The following PPM1L variants were observed in gnomAD, a reference collection of about 807,000 sequenced individuals.
PPM1L encodes the protein protein phosphatase, Mg2+/Mn2+ dependent 1L.
In PPM1L, 13 loss-of-function variants were observed where a neutral mutation model predicts 31.4. The observed-to-expected ratio is 0.41, with a 90% CI of 0.27 to 0.66. PPM1L has a LOEUF of 0.66. PPM1L is among the 30% of genes least tolerant of loss of function. The pLI is 0.29. For synonymous variants in PPM1L, 184 were observed against 175.4 expected (o/e 1.05, Z -0.39); for missense variants, 326 against 453.7 (o/e 0.72, Z 2.56).
At chr3:160,921,205 C>G (rs1228037587) in intron 1 of PPM1L, among the ~76,000 whole-genome samples, 1 of 152,122 alleles carries the variant, frequency 6.6e-6, no homozygotes, top group Non-Finnish European at 1.5e-5. Flanking sequence ...CCTGCAGTTA[C>G]CCTTTTAAAT....
rs117842708 is a variant in PPM1L, at chr3:160,846,887, A to G, written c.399+90180A>G. On this transcript the variant is annotated intron_variant, in intron 1 of 3. Coordinates refer to ENST00000498165, the MANE Select transcript of PPM1L (RefSeq NM_139245.4). ...TTTATTTATTTTTTACTAGTTTTTT[A>G]TGTGTAGCTTACTTCAAAATATATT... is the stretch of plus-strand genomic sequence containing the variant. Among the ~76,000 whole-genome samples the G allele has an allele frequency of 2.6e-5, 4 of 152,064 alleles. No homozygotes were observed. The East Asian group carries it at 7.7e-4, about 29-fold the overall frequency.
chr3:160,769,858 G>A (rs1417369836), intron 1 of PPM1L, among the ~76,000 whole-genome samples: 2 of 152,054 alleles, frequency 1.3e-5, no homozygotes, highest in Non-Finnish European at 2.9e-5. Flanking sequence ...TTACTGGGAG[G>A]GTAGGAATTT....
At chr3:160,859,094 A>G (rs778944251) in intron 1 of PPM1L, among the ~76,000 whole-genome samples, 2 of 152,086 alleles carry the variant, frequency 1.3e-5, no homozygotes, top group Non-Finnish European at 2.9e-5. Flanking sequence ...TTTTTTCCCT[A>G]TAATATTCCT....
intron 3 of PPM1L, among the ~76,000 whole-genome samples, chr3:161,066,659 C>T (rs1434492482): frequency 1.3e-5 from 2 of 152,172 alleles, no homozygotes; most frequent in African/African-American, 4.8e-5. Flanking sequence ...GATGTATGCT[C>T]TTCATGATGT....
chr3:160,939,754 A>G, intron 1 of PPM1L: 1 of 166,702 alleles, frequency 6.0e-6, no homozygotes, highest in East Asian at 1.7e-4. Flanking sequence ...TCCCAGTCTC[A>G]GGTATGTTTT....
At position 160,928,911 on chromosome 3, in the gene PPM1L, T is replaced by C. The variant is rs553464479; in HGVS notation, c.400-32825T>C. 1.8e-3 allele frequency among the ~76,000 whole-genome samples: 271 copies of C among 152,236 alleles called. 1 individual carries two copies. The highest frequency in any genetic ancestry group is 4.8e-3 in the African/African-American group (201 of 41,560). ...AAATGCTCACTCTGTCGTATATTGT[T>C]ATAGCAGCACAAATCGATGAAGACA... On this transcript the variant is annotated intron_variant, in intron 1 of 3. Transcript: ENST00000498165.
chr3:161,044,641 C>A (rs1719003433), intron 2 of PPM1L, among the ~76,000 whole-genome samples: 1 of 152,026 alleles, frequency 6.6e-6, no homozygotes, highest in Non-Finnish European at 1.5e-5. Context: ...TGGAAAGGAA[C>A]AACCAGTACC....
chr3:160,914,510 A>G (rs1224567823), intron 1 of PPM1L, among the ~76,000 whole-genome samples: 2 of 138,088 alleles, frequency 1.4e-5, no homozygotes, highest in African/African-American at 2.7e-5. Context: ...TCATTGTTCA[A>G]TTCCCACCTA....
chr3:160,854,037 A>G (rs765022135), intron 1 of PPM1L, among the ~76,000 whole-genome samples: 2 of 152,198 alleles, frequency 1.3e-5, no homozygotes, highest in African/African-American at 4.8e-5. Context: ...ATACCCAGCT[A>G]CTAAAGTTTA....
At chr3:160,940,357 T>C (rs1403922510) in intron 1 of PPM1L, among the ~76,000 whole-genome samples, 2 of 152,192 alleles carry the variant, frequency 1.3e-5, no homozygotes, top group Non-Finnish European at 2.9e-5. Flanking sequence ...CTAATGTTCA[T>C]CCCCAAGACC....
At chr3:160,961,515 C>T (rs1715963409) in intron 1 of PPM1L, among the ~76,000 whole-genome samples, 1 of 152,154 alleles carries the variant, frequency 6.6e-6, no homozygotes, top group Non-Finnish European at 1.5e-5. Context: ...ATCTTTTATA[C>T]CTTTAAACCT....
At chr3:160,944,504 C>G (rs1279511511) in intron 1 of PPM1L, among the ~76,000 whole-genome samples, 1 of 145,682 alleles carries the variant, frequency 6.9e-6, no homozygotes, top group Non-Finnish European at 1.5e-5. Flanking sequence ...ATTTCTAAGA[C>G]TCTCTAACTT....
chr3:160,867,996 G>C (rs1348901712), intron 1 of PPM1L, among the ~76,000 whole-genome samples: 1 of 152,186 alleles, frequency 6.6e-6, no homozygotes, highest in Non-Finnish European at 1.5e-5. Flanking sequence ...GTTTTTAAAA[G>C]AACAGGCTGG....
At chr3:160,906,879 G>A (rs1487966829) in intron 1 of PPM1L, among the ~76,000 whole-genome samples, 3 of 152,206 alleles carry the variant, frequency 2.0e-5, no homozygotes, top group Non-Finnish European at 4.4e-5. Flanking sequence ...CTTCCACAGA[G>A]CAGCTTACAA....
At chr3:161,060,716 A>G (rs1315330016) in intron 2 of PPM1L, among the ~76,000 whole-genome samples, 1 of 138,088 alleles carries the variant, frequency 7.2e-6, no homozygotes, top group Non-Finnish European at 1.5e-5. Context: ...GTCCATGTGA[A>G]TTCGCTTTTT....
chr3:160,933,373 C>T lies in PPM1L; in HGVS notation c.400-28363C>T, dbSNP rs564073857. 6.6e-5 allele frequency among the ~76,000 whole-genome samples: 10 copies of T among 151,906 alleles called. No homozygotes were observed. In the East Asian group the frequency reaches 7.8e-4, roughly 12 times the overall value. The stretch of plus-strand genomic sequence containing the variant: ...TCACAAAATTAAGCCCAATAGAAAA[C>T]AAGGCAATTAAAAATGAAATTGAAA... On this transcript the variant is annotated intron_variant, in intron 1 of 3. Coordinates refer to ENST00000498165, the MANE Select transcript of PPM1L (RefSeq NM_139245.4).
intron 2 of PPM1L, among the ~76,000 whole-genome samples, chr3:161,032,781 C>T (rs1312106356): frequency 6.6e-6 from 1 of 151,696 alleles, no homozygotes; most frequent in Non-Finnish European, 1.5e-5. Flanking sequence ...CAACCTCCGC[C>T]TCCCGGGTTC....
intron 1 of PPM1L, among the ~76,000 whole-genome samples, chr3:160,802,617 T>A (rs1309905517): frequency 6.6e-6 from 1 of 152,158 alleles, no homozygotes; most frequent in Non-Finnish European, 1.5e-5. Flanking sequence ...GAGGAAGACA[T>A]GCATGTGGAT....
At chr3:161,026,039 T>A (rs1163587989) in intron 2 of PPM1L, among the ~76,000 whole-genome samples, 1 of 152,130 alleles carries the variant, frequency 6.6e-6, no homozygotes, top group Non-Finnish European at 1.5e-5. Context: ...AAAAGAAATA[T>A]AATTAAGACT....
Sources: gnomAD v4.1 joint callset for allele counts (sites outside exome capture counted in the v4.1 genomes callset) on GRCh38, gnomAD v4.1.1 for gene constraint, MANE v1.5 for transcripts, NCBI Gene and HGNC (gene_info 2026-07-23, HGNC 2026-07-21) for gene names.